The following TMIGD3 variants were observed in gnomAD, a reference collection of about 807,000 sequenced individuals.
TMIGD3 encodes transmembrane and immunoglobulin domain containing 3, also known as AD026 protein (AD026).
TMIGD3 carries 21 observed loss-of-function variants against 28.1 expected under a neutral mutation model. The ratio of observed to expected loss-of-function variants is 0.75; its 90% confidence interval spans 0.53 to 1.08. The LOEUF (loss-of-function observed/expected upper bound fraction) is 1.08, where lower values mean the gene tolerates loss of function less well. TMIGD3 is among the 50% of genes least tolerant of loss of function. The pLI is 0.00. For synonymous variants in TMIGD3, 151 were observed against 162.1 expected (o/e 0.93, Z 0.52); for missense variants, 416 against 435.6 (o/e 0.96, Z 0.40).
In TMIGD3 at chr1:111,503,278, G is replaced by A. The variant is rs1393894452; in HGVS notation, c.77C>T (p.Ala26Val). 2 of 1,614,102 alleles carry A rather than the reference G, an allele frequency of 1.2e-6. No individual in the cohort carries two copies. The highest frequency in any genetic ancestry group is 4.5e-5 in the East Asian group (2 of 44,904). ...GATGACCAGCACGTTGCCCACTATG[G>A]CGCAGAGTCCAATGAAAATTTCCAT... ...ITMEIFIGLC[A>V]IVGNVLVICV... Residue 26 changes from alanine (A) to valine (V), a missense_variant, in exon 1 of 6, where the codon GCC (alanine) becomes GTC (valine). By Grantham distance (64) the Ala-to-Val change is moderately conservative (BLOSUM62 0). Transcript: ENST00000369716.
chr1:111,535,198 G>A (rs1488866610), intron 1 of TMIGD3, among the ~76,000 whole-genome samples: 3 of 152,184 alleles, frequency 2.0e-5, no homozygotes, highest in African/African-American at 4.8e-5. Context: ...GAGAAGCACT[G>A]AATAAATGTC....
chr1:111,562,609 A>C (rs979960032), intron 1 of TMIGD3, among the ~76,000 whole-genome samples: 4 of 152,202 alleles, frequency 2.6e-5, no homozygotes, highest in Admixed American at 6.5e-5. Context: ...TCCCACCAAC[A>C]TTTCAGGACT....
chr1:111,541,210 A>G (rs750392462), intron 1 of TMIGD3, among the ~76,000 whole-genome samples: 1 of 152,218 alleles, frequency 6.6e-6, no homozygotes, highest in Non-Finnish European at 1.5e-5. Context: ...GACTTCTGCT[A>G]TAGAAGGAAA....
intron 1 of TMIGD3, among the ~76,000 whole-genome samples, chr1:111,536,525 G>A (rs1331234899): frequency 1.3e-5 from 2 of 152,150 alleles, no homozygotes; most frequent in Non-Finnish European, 2.9e-5. Flanking sequence ...ATACTCAGGA[G>A]AAAGAAGCAA....
intron 1 of TMIGD3, among the ~76,000 whole-genome samples, chr1:111,502,162 ATT>A (rs1449577727): frequency 1.8e-4 from 6 of 33,866 alleles, no homozygotes; most frequent in East Asian, 5.1e-4. Context: ...TAGGATATAT[ATT>A]TATTATAATA....
chr1:111,504,954 C>G, upstream of TMIGD3: 7 of 985,310 alleles, frequency 7.1e-6, no homozygotes, highest in Non-Finnish European at 8.4e-6. Flanking sequence ...TTCCATCATT[C>G]TAGTATTTTC....
upstream of TMIGD3, among the ~76,000 whole-genome samples, chr1:111,505,368 C>T (rs1655451033): frequency 6.6e-6 from 1 of 152,152 alleles, no homozygotes; most frequent in South Asian, 2.1e-4. Flanking sequence ...GCAGGAGACA[C>T]ACTTAGGGTC....
chr1:111,498,193 C>A (rs1451491589), intron 1 of TMIGD3, among the ~76,000 whole-genome samples: 1 of 152,204 alleles, frequency 6.6e-6, no homozygotes. Context: ...TCAGGATAAA[C>A]CTTCAGGACT....
At chr1:111,533,549 T>C (rs530621460) in intron 1 of TMIGD3, among the ~76,000 whole-genome samples, 4 of 152,256 alleles carry the variant, frequency 2.6e-5, no homozygotes, top group African/African-American at 9.6e-5. Context: ...TTACTTACGG[T>C]AGAGCTTTAT....
At chr1:111,484,931 C>A (rs899742325) in intron 5 of TMIGD3, among the ~76,000 whole-genome samples, 2 of 152,212 alleles carry the variant, frequency 1.3e-5, no homozygotes, top group Non-Finnish European at 2.9e-5. Context: ...TCTGTGTACA[C>A]TTCAGAGGTT....
At chr1:111,531,760 C>T (rs1656466840) in intron 1 of TMIGD3, among the ~76,000 whole-genome samples, 1 of 151,864 alleles carries the variant, frequency 6.6e-6, no homozygotes, top group African/African-American at 2.4e-5. Flanking sequence ...CTATGTTGCC[C>T]AGGCTGTACT....
chr1:111,519,241 A>C (rs1177844566), intron 1 of TMIGD3, among the ~76,000 whole-genome samples: 1 of 152,098 alleles, frequency 6.6e-6, no homozygotes, highest in Non-Finnish European at 1.5e-5. Context: ...AACCAGCCCC[A>C]ACTAGGAATT....
intron 1 of TMIGD3, among the ~76,000 whole-genome samples, chr1:111,532,266 AC>A (rs35664146): frequency 0.2 from 29,925 of 152,046 alleles, 3,446 homozygotes; most frequent in East Asian, 0.47. Context: ...CAAACTAGCC[AC>A]CTTGGTTTCT....
Position 111,502,115 on chromosome 1 carries a change from TAA to T in TMIGD3, c.350+888_350+889del, listed in dbSNP as rs1655222966. Among the ~76,000 whole-genome samples the T allele has an allele frequency of 4.7e-5, 5 of 105,744 alleles. No individual in the cohort carries two copies. In the East Asian group the frequency reaches 7.3e-4, roughly 15 times the overall value. 69.4% of individuals were successfully genotyped at this position (105,744 alleles called of 152,430 possible). ...TATAGGAGATATATATTTAATATAATAAATATATAGGATATATATTTAATATA... is the reference window on the plus strand; with the variant it reads ...TATAGGAGATATATATTTAATATAATATATATAGGATATATATTTAATATA... On this transcript the variant is annotated intron_variant, in intron 1 of 5. Transcript: ENST00000369716.
intron 1 of TMIGD3, among the ~76,000 whole-genome samples, chr1:111,512,320 G>A (rs1005581042): frequency 3.3e-5 from 5 of 152,214 alleles, no homozygotes; most frequent in African/African-American, 9.7e-5. Flanking sequence ...AGCATGGCAC[G>A]CACTCTAGTG....
At chr1:111,518,998 C>G (rs10857891) in intron 1 of TMIGD3, among the ~76,000 whole-genome samples, 134,714 of 152,206 alleles carry the variant, frequency 0.89, 60,640 homozygotes, top group East Asian at 0.99. Flanking sequence ...GAGTGCAGTG[C>G]CGTGATCTTG....
At chr1:111,503,685 C>T, upstream of TMIGD3, 3 of 1,073,350 alleles carry the variant, frequency 2.8e-6, no homozygotes, top group Non-Finnish European at 3.4e-6. Context: ...TCCTCAACGC[C>T]TCTGCCTGCA....
chr1:111,556,888 G>T (rs566887650), intron 1 of TMIGD3, among the ~76,000 whole-genome samples: 1 of 144,048 alleles, frequency 6.9e-6, no homozygotes, highest in South Asian at 2.2e-4. Context: ...TAGTTAAAAT[G>T]GTACATTTTA....
At chr1:111,554,518 A>G (rs1222756905) in intron 1 of TMIGD3, among the ~76,000 whole-genome samples, 1 of 152,254 alleles carries the variant, frequency 6.6e-6, no homozygotes, top group East Asian at 1.9e-4. Flanking sequence ...CTACAGGACA[A>G]TAAGTCTCAG....
Sources: gnomAD v4.1 joint callset for allele counts (sites outside exome capture counted in the v4.1 genomes callset) on GRCh38, gnomAD v4.1.1 for gene constraint, MANE v1.5 for transcripts, NCBI Gene and HGNC (gene_info 2026-07-23, HGNC 2026-07-21) for gene names.